Variants in CDKL5 observed in about 807,000 individuals in gnomAD.
The protein encoded by CDKL5 is cyclin dependent kinase like 5.
CDKL5 carries 8 observed loss-of-function variants against 61.7 expected under a neutral mutation model. That is an observed-to-expected ratio of 0.13 (90% CI 0.08 to 0.23). The LOEUF (loss-of-function observed/expected upper bound fraction) is 0.23, where lower values mean the gene tolerates loss of function less well. Among genes scored for constraint, CDKL5 ranks in the 10% least tolerant of loss-of-function variants. CDKL5 has a pLI of 1.00. For missense variants in CDKL5, 440 were observed against 734.5 expected (o/e 0.60, Z 4.63); for synonymous variants, 275 against 272.3 (o/e 1.01, Z -0.10).
At chrX:18,484,803 C>A (rs905860148) in intron 1 of CDKL5, among the ~76,000 whole-genome samples, 1 of 104,087 alleles carries the variant, frequency 9.6e-6, no homozygotes, top group African/African-American at 3.5e-5. Context: ...GGCTAGAATG[C>A]GGGGGTGGTG....
intron 15 of CDKL5, among the ~76,000 whole-genome samples, chrX:18,614,668 G>T (rs1193245232): frequency 8.9e-6 from 1 of 112,529 alleles, no homozygotes; most frequent in African/African-American, 3.2e-5. Context: ...ATAAACTTTG[G>T]TGTTCTTTCT....
intron 3 of CDKL5, among the ~76,000 whole-genome samples, chrX:18,553,466 G>T (rs186008077): frequency 0.044 from 2,918 of 66,019 alleles, 102 homozygotes; most frequent in African/African-American, 0.19. Flanking sequence ...GTGTGTGTGC[G>T]TGTGTGTGTG....
At chrX:18,456,830 T>G (rs1932153192) in intron 1 of CDKL5, among the ~76,000 whole-genome samples, 1 of 111,652 alleles carries the variant, frequency 9.0e-6, no homozygotes, top group Admixed American at 9.6e-5. Context: ...TCCTTAACAA[T>G]CTATTGCTTT....
At chrX:18,428,740 G>T (rs766397471) in intron 1 of CDKL5, among the ~76,000 whole-genome samples, 382 of 81,974 alleles carry the variant, frequency 4.7e-3, no homozygotes, top group Non-Finnish European at 6.6e-3. Context: ...TTTTTTTTTT[G>T]CAACATCAAA....
chrX:18,534,325 T>A (rs1923747183), intron 3 of CDKL5, among the ~76,000 whole-genome samples: 1 of 111,626 alleles, frequency 9.0e-6, no homozygotes, highest in Admixed American at 9.6e-5. Flanking sequence ...GTATATTCAC[T>A]TGCTCACTGA....
chrX:18,560,624 A>G (rs1002170449), intron 3 of CDKL5, among the ~76,000 whole-genome samples: 1 of 112,069 alleles, frequency 8.9e-6, no homozygotes, highest in Non-Finnish European at 1.9e-5. Flanking sequence ...AAAACTTAGT[A>G]CAAGACTAAG....
chrX:18,590,892 C>T (rs1445101570), intron 9 of CDKL5, among the ~76,000 whole-genome samples: 1 of 111,744 alleles, frequency 8.9e-6, no homozygotes, highest in African/African-American at 3.3e-5. Context: ...AACTCCTTGC[C>T]GTAGCCTATG....
intron 4 of CDKL5, among the ~76,000 whole-genome samples, chrX:18,565,996 A>G (rs766021205): frequency 8.9e-6 from 1 of 112,106 alleles, no homozygotes; most frequent in South Asian, 3.8e-4. Context: ...CCTAAAAAGA[A>G]TGGTTGCAAC....
At chrX:18,590,916 C>T (rs1177821140) in intron 9 of CDKL5, among the ~76,000 whole-genome samples, 1 of 111,528 alleles carries the variant, frequency 9.0e-6, no homozygotes, top group African/African-American at 3.3e-5. Context: ...CCTTGCCTGA[C>T]CTCATCTCGT....
intron 1 of CDKL5, among the ~76,000 whole-genome samples, chrX:18,451,142 T>C (rs891427566): frequency 8.9e-6 from 1 of 111,883 alleles, no homozygotes; most frequent in African/African-American, 3.2e-5. Flanking sequence ...GAATGAATGT[T>C]CTTTTATAAG....
chrX:18,586,248 G>A (rs902979839), intron 8 of CDKL5, among the ~76,000 whole-genome samples: 4 of 111,440 alleles, frequency 3.6e-5, no homozygotes, highest in Non-Finnish European at 7.5e-5. Context: ...TATTTCTTCC[G>A]TGTACCTTTT....
intron 1 of CDKL5, among the ~76,000 whole-genome samples, chrX:18,476,650 A>T (rs1921323818): frequency 8.9e-6 from 1 of 112,471 alleles, no homozygotes; most frequent in Admixed American, 9.4e-5. Flanking sequence ...CTTAACATCT[A>T]GTTTGTTTGA....
chrX:18,547,966 A>T (rs1924258943), intron 3 of CDKL5, among the ~76,000 whole-genome samples: 1 of 111,143 alleles, frequency 9.0e-6, no homozygotes, highest in Non-Finnish European at 1.9e-5. Context: ...GAGAGTTTTT[A>T]TTTTTGACGC....
At chrX:18,466,718 G>A in intron 1 of CDKL5, among the ~76,000 whole-genome samples, 1 of 111,241 alleles carries the variant, frequency 9.0e-6, no homozygotes, top group Non-Finnish European at 1.9e-5. Context: ...TCGCCATGTT[G>A]CCCAGGCTGG....
At chrX:18,433,723 C>T (rs749090564) in intron 1 of CDKL5, among the ~76,000 whole-genome samples, 1 of 111,764 alleles carries the variant, frequency 8.9e-6, no homozygotes, top group South Asian at 3.7e-4. Context: ...TTTTTTAAAC[C>T]AGCAAATAAA....
chrX:18,585,203 G>A (rs749334995), intron 8 of CDKL5, among the ~76,000 whole-genome samples: 33 of 110,769 alleles, frequency 3.0e-4, no homozygotes, highest in Middle Eastern at 4.7e-3. Context: ...AGACCAGCCC[G>A]GGCAACATGG....
intron 1 of CDKL5, among the ~76,000 whole-genome samples, chrX:18,489,910 A>G (rs1468854841): frequency 1.8e-5 from 2 of 110,939 alleles, no homozygotes; most frequent in African/African-American, 6.6e-5. Flanking sequence ...TCAAAATAAT[A>G]GTAATTAAAA....
chrX:18,471,678 G>A (rs1297136459), intron 1 of CDKL5, among the ~76,000 whole-genome samples: 2 of 112,053 alleles, frequency 1.8e-5, no homozygotes, highest in East Asian at 5.6e-4. Context: ...GATCCACTGT[G>A]CCCAGCCTAG....
chrX:18,490,622 A>G (rs1488703854), intron 1 of CDKL5, among the ~76,000 whole-genome samples: 1 of 111,559 alleles, frequency 9.0e-6, no homozygotes, highest in Non-Finnish European at 1.9e-5. Flanking sequence ...AAAAAATTGT[A>G]TCCTCTTTGA....
Sources: gnomAD v4.1 joint callset for allele counts (sites outside exome capture counted in the v4.1 genomes callset) on GRCh38, gnomAD v4.1.1 for gene constraint, MANE v1.5 for transcripts, NCBI Gene and HGNC (gene_info 2026-07-23, HGNC 2026-07-21) for gene names.